MIPEP: variants seen among roughly 807,000 people sequenced by gnomAD.
MIPEP encodes mitochondrial intermediate peptidase.
MIPEP carries 79 observed loss-of-function variants against 90.3 expected under a neutral mutation model. The ratio of observed to expected loss-of-function variants is 0.87; its 90% CI spans 0.73 to 1.05. The LOEUF is 1.05. Among genes scored for constraint, MIPEP ranks in the 50% least tolerant of loss-of-function variants. MIPEP has a pLI of 0.00. For synonymous variants in MIPEP, 334 were observed against 315.8 expected (o/e 1.06, Z -0.61); for missense variants, 940 against 905.6 (o/e 1.04, Z -0.49).
intron 13 of MIPEP, among the ~76,000 whole-genome samples, chr13:23,836,907 C>A (rs1869079099): frequency 6.6e-6 from 1 of 152,166 alleles, no homozygotes; most frequent in Admixed American, 6.5e-5. Context: ...TTTTCAATAC[C>A]TTCTCCTTGT....
chr13:23,870,102 G>C lies in MIPEP; in HGVS notation c.697C>G (p.Leu233Val). ...TNFPNKIEKHLLPEHIRRNFT... is the reference protein window; with the variant it reads ...TNFPNKIEKHVLPEHIRRNFT... ...TTACGACGAATGTGTTCTGGTAAGAGATGCTTCTCAATCTTGTTGGGAAAA... is the reference window on the plus strand; with the variant it reads ...TTACGACGAATGTGTTCTGGTAAGACATGCTTCTCAATCTTGTTGGGAAAA... Residue 233 changes from leucine (L) to valine (V), a missense_variant, in exon 6 of 19, where the codon CTC becomes GTC. Transcript: ENST00000382172. The C allele has an allele frequency of 6.2e-7, 1 of 1,612,726 alleles. No homozygotes were observed. The highest frequency in any genetic ancestry group is 8.5e-7 in the Non-Finnish European group (1 of 1,179,288).
rs78146647 is a variant in MIPEP, at chr13:23,760,512, T to C, written c.1849-295A>G. 1.9e-3 allele frequency: 1,100 copies of C among 592,544 alleles called. 12 individuals carry two copies. The highest frequency in any genetic ancestry group is 0.018 in the African/African-American group (973 of 54,510). The allele number at this position is 592,544 out of a possible 1,614,324, so 36.7% of individuals were successfully genotyped here. ...TTAAGTAAAAGTGAAGCTCTTAGAC[T>C]GGGCCCTTGCCCAAACTCACTGGTA... On this transcript the variant is annotated intron_variant, in intron 16 of 18. Transcript: ENST00000382172.
Position 23,837,602 on chromosome 13 carries a change from C to G in MIPEP, c.1493G>C (p.Gly498Ala). Residue 498 changes from glycine to alanine, a missense_variant, in exon 13 of 19, where the codon GGA becomes GCA. By Grantham distance (60) the Gly-to-Ala change is moderately conservative. Transcript: ENST00000382172. Reference sequence around the variant, plus strand: ...TCCTAGCATTGAATGCATGGCATGTCCCATTTCATGGAAAAGATTTTCCAT... The same window carrying G: ...TCCTAGCATTGAATGCATGGCATGTGCCATTTCATGGAAAAGATTTTCCAT... ...SMMENLFHEM[G>A]HAMHSMLGRT... The G allele has an allele frequency of 6.2e-7, 1 of 1,614,040 alleles. No individual in the cohort carries two copies. The highest frequency in any genetic ancestry group is 8.5e-7 in the Non-Finnish European group (1 of 1,179,936).
At chr13:23,871,298 G>A (rs1440946385) in intron 5 of MIPEP, among the ~76,000 whole-genome samples, 1 of 152,186 alleles carries the variant, frequency 6.6e-6, no homozygotes, top group Non-Finnish European at 1.5e-5. Context: ...TAGCAAAGGG[G>A]TTGCCATAAA....
intron 16 of MIPEP, among the ~76,000 whole-genome samples, chr13:23,801,018 C>G (rs543067639): frequency 6.6e-6 from 1 of 152,114 alleles, no homozygotes; most frequent in South Asian, 2.1e-4. Flanking sequence ...AAGTTTGTAC[C>G]AGATTATGTA....
intron 10 of MIPEP, among the ~76,000 whole-genome samples, chr13:23,848,311 G>C (rs977021275): frequency 6.6e-6 from 1 of 152,112 alleles, no homozygotes; most frequent in Non-Finnish European, 1.5e-5. Context: ...TTCTATTCCA[G>C]TTCCCTTCTT....
At chr13:23,741,424 A>C (rs561576762) in intron 18 of MIPEP, among the ~76,000 whole-genome samples, 1 of 152,186 alleles carries the variant, frequency 6.6e-6, no homozygotes, top group East Asian at 1.9e-4. Flanking sequence ...ATCAACCTAA[A>C]TGCCCATCAA....
intron 1 of MIPEP, among the ~76,000 whole-genome samples, 155 bp from the exon 2 acceptor site, chr13:23,886,661 A>C (rs935305253): frequency 6.6e-6 from 1 of 152,100 alleles, no homozygotes; most frequent in African/African-American, 2.4e-5. Flanking sequence ...CATACTCCCC[A>C]TATCACTCCA....
At chr13:23,779,509 A>G (rs148588906) in intron 16 of MIPEP, among the ~76,000 whole-genome samples, 37 of 152,324 alleles carry the variant, frequency 2.4e-4, no homozygotes, top group African/African-American at 8.9e-4. Context: ...GAACAGCTCC[A>G]GTCTACAGCT....
chr13:23,780,031 G>A (rs1952762817), intron 16 of MIPEP, among the ~76,000 whole-genome samples: 1 of 152,218 alleles, frequency 6.6e-6, no homozygotes, highest in African/African-American at 2.4e-5. Context: ...TCTGGGGGCA[G>A]GACATTGCCA....
At chr13:23,869,882 G>T in intron 6 of MIPEP, 131 bp downstream of exon 6, 1 of 563,180 alleles carries the variant, frequency 1.8e-6, no homozygotes, top group Non-Finnish European at 2.9e-6. Context: ...AATTCCACAA[G>T]TTAAATTTTT....
intron 16 of MIPEP, among the ~76,000 whole-genome samples, chr13:23,764,178 G>A (rs1372795530): frequency 1.3e-5 from 2 of 152,050 alleles, no homozygotes; most frequent in Non-Finnish European, 2.9e-5. Context: ...CTTTTATTAC[G>A]GTGAGAGACA....
intron 18 of MIPEP, among the ~76,000 whole-genome samples, chr13:23,746,315 G>A (rs1358234927): frequency 6.6e-6 from 1 of 151,606 alleles, no homozygotes; most frequent in East Asian, 2.0e-4. Flanking sequence ...CACCAGGCCA[G>A]AACAGTTTTA....
rs762390520 is a variant in MIPEP, at chr13:23,869,280, A to C, written c.943+12T>G. 6.4e-7 allele frequency: 1 copy of C among 1,567,066 alleles called. No homozygotes were observed. The highest frequency in any genetic ancestry group is 8.6e-7 in the Non-Finnish European group (1 of 1,161,846). ...CCTATTTTGCCCTTAAATGTTGGAT[A>C]AACAGGCTTACCTGGATTTTTAGCT... On this transcript the variant is annotated intron_variant, in intron 7 of 18. Coordinates refer to ENST00000382172, the MANE Select transcript of MIPEP (RefSeq NM_005932.4).
At position 23,851,582 on chromosome 13, in the gene MIPEP, T is replaced by C. The variant is rs76129588; in HGVS notation, c.1106+7278A>G. Among the ~76,000 whole-genome samples the C allele has an allele frequency of 2.6e-4, 40 of 152,332 alleles. 1 individual carries two copies. The East Asian group carries it at 6.8e-3, about 26-fold the overall frequency. On this transcript the variant is annotated intron_variant, in intron 10 of 18. Coordinates refer to ENST00000382172, the MANE Select transcript of MIPEP (RefSeq NM_005932.4). ...AACACCACAGAGATCCCTTTCTAGC[T>C]GAGAGGGAAACCCTCATCGCAGACT...
At chr13:23,886,259 C>T (rs1871474576) in intron 2 of MIPEP, 74 bp downstream of exon 2, 6 of 1,208,396 alleles carry the variant, frequency 5.0e-6, no homozygotes, top group Non-Finnish European at 6.5e-6. Flanking sequence ...TAGTAAACAA[C>T]AAAGGATAAA....
chr13:23,872,639 G>C (rs1481801490), intron 5 of MIPEP, among the ~76,000 whole-genome samples: 1 of 152,108 alleles, frequency 6.6e-6, no homozygotes, highest in Non-Finnish European at 1.5e-5. Flanking sequence ...GAAGTTACAA[G>C]GGAAAAACTG....
At chr13:23,731,014 T>C (rs564863136) in intron 18 of MIPEP, among the ~76,000 whole-genome samples, 1 of 152,304 alleles carries the variant, frequency 6.6e-6, no homozygotes, top group African/African-American at 2.4e-5. Flanking sequence ...ACAAGGTTGC[T>C]ATAAGGATCA....
chr13:23,822,459 C>G (rs960278353), intron 14 of MIPEP, among the ~76,000 whole-genome samples: 1 of 152,192 alleles, frequency 6.6e-6, no homozygotes, highest in Non-Finnish European at 1.5e-5. Flanking sequence ...TAACCAAATG[C>G]TCCTATTTCA....
Sources: gnomAD v4.1 joint callset for allele counts (sites outside exome capture counted in the v4.1 genomes callset) on GRCh38, gnomAD v4.1.1 for gene constraint, MANE v1.5 for transcripts, NCBI Gene and HGNC (gene_info 2026-07-23, HGNC 2026-07-21) for gene names.